POLA1: variants seen among roughly 807,000 people sequenced by gnomAD.
POLA1 encodes the protein DNA polymerase alpha catalytic subunit.
POLA1 carries 15 observed loss-of-function variants against 124.0 expected under a neutral mutation model. The ratio of observed to expected loss-of-function variants is 0.12; its 90% CI spans 0.08 to 0.19. The LOEUF (loss-of-function observed/expected upper bound fraction) is 0.19, where lower values mean the gene tolerates loss of function less well. POLA1 is among the 10% of genes least tolerant of loss of function. POLA1 has a pLI of 1.00. For missense variants in POLA1, 886 were observed against 1,103.4 expected, an observed-to-expected ratio of 0.80 and a Z score of 2.79; for synonymous variants, 408 against 389.4, an observed-to-expected ratio of 1.05 and a Z score of -0.56.
At chrX:24,868,738 G>A (rs975177445) in intron 34 of POLA1, among the ~76,000 whole-genome samples, 2 of 111,858 alleles carry the variant, frequency 1.8e-5, no homozygotes, top group Non-Finnish European at 1.9e-5. Context: ...TTGCTGTGAA[G>A]GGACATAGAG....
At chrX:24,908,775 G>C (rs1402365179) in intron 35 of POLA1, among the ~76,000 whole-genome samples, 1 of 111,570 alleles carries the variant, frequency 9.0e-6, no homozygotes, top group Non-Finnish European at 1.9e-5. Flanking sequence ...GAGTCAAATA[G>C]TATTTCTAGT....
intron 2 of POLA1, among the ~76,000 whole-genome samples, chrX:24,701,409 T>A (rs1263193822): frequency 1.8e-5 from 2 of 110,735 alleles, no homozygotes; most frequent in Admixed American, 1.9e-4. Flanking sequence ...GTTTCTCCCG[T>A]ACTCCATTTG....
intron 1 of POLA1, 137 bp downstream of exon 1, chrX:24,694,141 C>A: frequency 3.2e-6 from 2 of 626,690 alleles, no homozygotes; most frequent in East Asian, 3.9e-5. Context: ...GCCCTTCTGG[C>A]GTCGGACCGG....
intron 36 of POLA1, among the ~76,000 whole-genome samples, chrX:24,983,419 A>G (rs1368304018): frequency 2.7e-5 from 3 of 112,484 alleles, no homozygotes; most frequent in African/African-American, 9.7e-5. Context: ...CAAATTGTAC[A>G]TGACACCCAG....
intron 1 of POLA1, among the ~76,000 whole-genome samples, chrX:24,695,219 C>CT (rs1927898274): frequency 9.0e-6 from 1 of 111,494 alleles, no homozygotes; most frequent in South Asian, 3.8e-4. Flanking sequence ...TAGTGTCTGT[C>CT]TGCTTTTGGG....
intron 35 of POLA1, among the ~76,000 whole-genome samples, chrX:24,922,868 C>G (rs910914161): frequency 3.6e-5 from 4 of 112,188 alleles, no homozygotes; most frequent in African/African-American, 1.3e-4. Flanking sequence ...GTATGACTTA[C>G]AAACCTTGAT....
chrX:24,823,706 T>C (rs950845349), intron 31 of POLA1, among the ~76,000 whole-genome samples: 4 of 112,508 alleles, frequency 3.6e-5, no homozygotes, highest in African/African-American at 1.3e-4. Context: ...TCCTGGCCCA[T>C]CATGACACAT....
chrX:24,909,074 A>G (rs781317090), intron 35 of POLA1, among the ~76,000 whole-genome samples: 39 of 111,958 alleles, frequency 3.5e-4, no homozygotes, highest in Non-Finnish European at 5.3e-4. Context: ...CCACTTCTTA[A>G]TGGGGTTGTT....
intron 26 of POLA1, among the ~76,000 whole-genome samples, chrX:24,806,062 T>G (rs1407670902): frequency 1.3e-4 from 2 of 15,010 alleles, no homozygotes; most frequent in African/African-American, 2.5e-4. Context: ...GGTTTTTTTT[T>G]TTTTTTTTTT....
rs1932350345 is a variant in POLA1 at position 24,752,047 on chromosome X, A to G, written c.2964+3055A>G. On this transcript the variant is annotated intron_variant, in intron 26 of 36. Transcript: ENST00000379068. ...TTTGCATTTGGATGTGGATTAATAC[A>G]CAGCCTAGGGAGGCCTTGAAGCCCC... Among the ~76,000 whole-genome samples the G allele has an allele frequency of 2.7e-5, 3 of 111,928 alleles. No individual in the cohort carries two copies. In the Admixed American group the frequency reaches 2.8e-4, roughly 11 times the overall value.
intron 34 of POLA1, among the ~76,000 whole-genome samples, chrX:24,849,277 G>A (rs1022410591): frequency 5.3e-5 from 6 of 112,533 alleles, no homozygotes; most frequent in Admixed American, 1.9e-4. Flanking sequence ...GCCCAGCAGC[G>A]CTTGAAGAAG....
intron 35 of POLA1, among the ~76,000 whole-genome samples, chrX:24,913,564 A>G (rs759867715): frequency 2.8e-3 from 311 of 109,689 alleles, no homozygotes; most frequent in African/African-American, 0.01. Context: ...AACATAAAAA[A>G]TTAGCTGGGC....
At chrX:24,906,838 A>G (rs1464378255) in intron 35 of POLA1, among the ~76,000 whole-genome samples, 1 of 112,043 alleles carries the variant, frequency 8.9e-6, no homozygotes, top group East Asian at 2.8e-4. Context: ...GCTCAATCAT[A>G]GAATGGAGAC....
chrX:24,917,041 C>T (rs1346913081), intron 35 of POLA1, among the ~76,000 whole-genome samples: 6 of 111,817 alleles, frequency 5.4e-5, no homozygotes, highest in Non-Finnish European at 7.5e-5. Flanking sequence ...TGGTGGCTCA[C>T]GCCTATAATC....
intron 36 of POLA1, among the ~76,000 whole-genome samples, chrX:24,994,996 C>T (rs1404140470): frequency 2.8e-5 from 3 of 108,655 alleles, no homozygotes; most frequent in African/African-American, 1.0e-4. Context: ...GCGGAGGTTG[C>T]GGTGAGCCGA....
intron 34 of POLA1, among the ~76,000 whole-genome samples, chrX:24,853,651 A>C (rs1368712273): frequency 8.9e-6 from 1 of 112,495 alleles, no homozygotes. Flanking sequence ...ATTGAAAGCT[A>C]GAAATTTGTC....
intron 36 of POLA1, among the ~76,000 whole-genome samples, chrX:24,957,192 G>A (rs956188932): frequency 1.5e-4 from 17 of 111,988 alleles, no homozygotes; most frequent in African/African-American, 5.2e-4. Context: ...AATTATACAT[G>A]CTGTTTTCAT....
chrX:24,948,231 T>C (rs2047991983), intron 36 of POLA1, among the ~76,000 whole-genome samples: 1 of 112,032 alleles, frequency 8.9e-6, no homozygotes, highest in African/African-American at 3.2e-5. Context: ...CTCATTCTGT[T>C]TTATAGCGTT....
At chrX:24,890,343 C>T (rs1437336623) in intron 35 of POLA1, among the ~76,000 whole-genome samples, 1 of 111,177 alleles carries the variant, frequency 9.0e-6, no homozygotes, top group Admixed American at 9.6e-5. Flanking sequence ...GTCTCGGCCT[C>T]CCAAAGTGCT....
Sources: allele counts gnomAD v4.1 joint callset (sites outside exome capture counted in the v4.1 genomes callset), GRCh38; gene constraint gnomAD v4.1.1; transcripts MANE v1.5; gene names NCBI Gene and HGNC (gene_info 2026-07-23, HGNC 2026-07-21).